Variants in GLB1 observed in about 807,000 individuals in gnomAD.
GLB1 encodes galactosidase beta 1.
GLB1 carries 56 observed loss-of-function variants against 74.0 expected under a neutral mutation model. That is an observed-to-expected ratio of 0.76 (90% CI 0.61 to 0.94). The LOEUF is 0.94. Ranked by LOEUF, GLB1 falls within the 40% of genes least tolerant of loss-of-function variation. The pLI is 0.00. For missense variants in GLB1, 787 were observed against 845.5 expected (o/e 0.93, Z 0.86); for synonymous variants, 323 against 323.6 (o/e 1.00, Z 0.02).
the GLB1 span, among the ~76,000 whole-genome samples, chr3:32,979,228 G>A: frequency 9.2e-5 from 14 of 151,836 alleles, no homozygotes; most frequent in African/African-American, 2.4e-4. Context: ...CACCTGCTCC[G>A]GTCTCCCAAA....
At chr3:33,091,907 G>T in intron 1 of GLB1, 1 of 985,424 alleles carries the variant, frequency 1.0e-6, no homozygotes, top group Non-Finnish European at 1.2e-6. Flanking sequence ...TCTGGCAAAA[G>T]GGCAAAAGCA....
chr3:33,007,578 T>C (rs1020690827), intron 15 of GLB1, among the ~76,000 whole-genome samples: 1 of 152,246 alleles, frequency 6.6e-6, no homozygotes, highest in Non-Finnish European at 1.5e-5. Flanking sequence ...TATTCCATTG[T>C]ATGGATGTAC....
At chr3:33,065,179 A>G (rs1368728436) in intron 5 of GLB1, among the ~76,000 whole-genome samples, 1 of 152,174 alleles carries the variant, frequency 6.6e-6, no homozygotes, top group Non-Finnish European at 1.5e-5. Flanking sequence ...GGGTGACCTT[A>G]GCCAAGTCAC....
At chr3:33,096,659 T>C (rs1299452572) in intron 1 of GLB1, 9 of 1,121,760 alleles carry the variant, frequency 8.0e-6, no homozygotes, top group Non-Finnish European at 9.8e-6. Flanking sequence ...AGGCACCCTC[T>C]AACCCGCGCA....
At chr3:32,977,318 AC>A in the GLB1 span, among the ~76,000 whole-genome samples, 11 of 150,154 alleles carry the variant, frequency 7.3e-5, no homozygotes, top group Admixed American at 2.7e-4. Flanking sequence ...CGATTCTCTT[AC>A]CTCAGCCTCC....
intron 10 of GLB1, among the ~76,000 whole-genome samples, chr3:33,027,507 G>A (rs1697823204): frequency 6.6e-6 from 1 of 152,266 alleles, no homozygotes; most frequent in East Asian, 1.9e-4. Flanking sequence ...CCAGAAAAGT[G>A]ACACCCGGCT....
chr3:33,034,333 C>G, intron 10 of GLB1: 1 of 753,942 alleles, frequency 1.3e-6, no homozygotes, highest in Non-Finnish European at 2.5e-6. Context: ...ATGCCATCAG[C>G]TAGGCCCCTG....
intron 1 of GLB1, chr3:33,091,882 A>C: frequency 1.0e-6 from 1 of 985,438 alleles, no homozygotes; most frequent in Non-Finnish European, 1.2e-6. Context: ...TCTCAGGATC[A>C]AAGGATCTAT....
chr3:32,964,075 T>G, the GLB1 span, among the ~76,000 whole-genome samples: 2 of 152,146 alleles, frequency 1.3e-5, no homozygotes, highest in Non-Finnish European at 1.5e-5. Context: ...TGGTATGAGA[T>G]AGGTACAAGA....
chr3:33,001,172 C>T (rs1204258502), intron 15 of GLB1, among the ~76,000 whole-genome samples: 1 of 151,322 alleles, frequency 6.6e-6, no homozygotes, highest in African/African-American at 2.4e-5. Flanking sequence ...TTCTCCTCTC[C>T]TCTTCTCCTT....
At chr3:33,009,722 C>T (rs79183821) in intron 15 of GLB1, among the ~76,000 whole-genome samples, 1 of 152,162 alleles carries the variant, frequency 6.6e-6, no homozygotes, top group Non-Finnish European at 1.5e-5. Flanking sequence ...AGTTTCAGAG[C>T]ATATCCATCA....
At chr3:32,978,983 T>TTTC in the GLB1 span, among the ~76,000 whole-genome samples, 2 of 144,992 alleles carry the variant, frequency 1.4e-5, no homozygotes, top group East Asian at 4.0e-4. Flanking sequence ...TTCTTTCTTT[T>TTTC]TTTTTTTTCT....
intron 2 of GLB1, 110 bp downstream of exon 2, chr3:33,072,434 C>T: frequency 6.5e-7 from 1 of 1,528,836 alleles, no homozygotes; most frequent in Non-Finnish European, 8.9e-7. Flanking sequence ...TCACACTGGA[C>T]CATTTCCCAT....
intron 15 of GLB1, 135 bp downstream of exon 15, chr3:33,013,921 C>G (rs1697129593): frequency 6.6e-7 from 1 of 1,507,160 alleles, no homozygotes; most frequent in African/African-American, 1.4e-5. Flanking sequence ...CAATCCGCCT[C>G]CTGAAGAATG....
intron 15 of GLB1, among the ~76,000 whole-genome samples, chr3:33,002,302 T>G (rs562394415): frequency 1.5e-4 from 22 of 149,240 alleles, no homozygotes; most frequent in African/African-American, 5.4e-4. Flanking sequence ...ACTATCTGGA[T>G]AAATGGAATT....
rs1422180861 is a variant in GLB1 at position 33,093,668 on chromosome 3, G to A, written c.75+3343C>T. 1 of 1,614,090 alleles carries A rather than the reference G, an allele frequency of 6.2e-7. No homozygotes were observed. The highest frequency in any genetic ancestry group is 1.1e-5 in the South Asian group (1 of 91,072). On this transcript the variant is annotated intron_variant, in intron 1 of 15. Transcript: ENST00000307363. The surrounding 1 kb of genome is among the most constrained non-coding windows in gnomAD (Gnocchi z 6.0). ...CGGCATTCAGAATCCCGGCCACGCT[G>A]AGCACAGCAGTCACTCCCACTGCCA...
chr3:32,965,405 T>C, the GLB1 span, among the ~76,000 whole-genome samples: 2 of 152,166 alleles, frequency 1.3e-5, no homozygotes, highest in Non-Finnish European at 2.9e-5. Flanking sequence ...TGTTATACTT[T>C]AGCAAAGAGA....
rs1027717058 is a variant in GLB1 at position 33,052,144 on chromosome 3, C to T, written c.793-140G>A. ...CACTGCTTAACCCAGAGACGCCCCC[C>T]AGTGAGCACTTCCAATACCAGCAAT... On this transcript the variant is annotated intron_variant, in intron 7 of 15. Transcript: ENST00000307363. 6 of 1,436,500 alleles carry T rather than the reference C, an allele frequency of 4.2e-6. No homozygotes were observed. In the Admixed American group the frequency reaches 7.9e-5, roughly 19 times the overall value. The allele number at this position is 1,436,500 out of a possible 1,614,324, so 89.0% of individuals were successfully genotyped here.
At chr3:33,039,674 G>A (rs1698424575) in intron 10 of GLB1, among the ~76,000 whole-genome samples, 1 of 152,162 alleles carries the variant, frequency 6.6e-6, no homozygotes, top group Admixed American at 6.6e-5. Context: ...GTTCTGAAAG[G>A]CAAGGTGGGA....
Sources: gnomAD v4.1 joint callset for allele counts (sites outside exome capture counted in the v4.1 genomes callset) on GRCh38, gnomAD v4.1.1 for gene constraint, Gnocchi (gnomAD v3.1) non-coding constraint, MANE v1.5 for transcripts, NCBI Gene and HGNC (gene_info 2026-07-23, HGNC 2026-07-21) for gene names.